SLX4IP: variants seen among roughly 807,000 people sequenced by gnomAD.
The protein encoded by SLX4IP is SLX4 interacting protein.
In SLX4IP, 34 loss-of-function variants were observed where a neutral mutation model predicts 32.9. The ratio of observed to expected loss-of-function variants is 1.03; its 90% CI spans 0.79 to 1.38. SLX4IP has a LOEUF of 1.38. Ranked by LOEUF, SLX4IP falls within the 40% of genes most tolerant of loss-of-function variation. The pLI, the probability that SLX4IP is intolerant of heterozygous loss-of-function variation, is 0.00. For synonymous variants in SLX4IP, 172 were observed against 171.7 expected (o/e 1.00, Z -0.01); for missense variants, 444 against 479.0 (o/e 0.93, Z 0.68).
At chr20:10,438,402 C>T (rs912604244) in intron 1 of SLX4IP, among the ~76,000 whole-genome samples, 1 of 151,924 alleles carries the variant, frequency 6.6e-6, no homozygotes, top group African/African-American at 2.4e-5. Flanking sequence ...TCCCTCCAGC[C>T]ACTCCTCTTC....
intron 3 of SLX4IP, among the ~76,000 whole-genome samples, chr20:10,559,431 A>G (rs1319321848): frequency 6.6e-6 from 1 of 152,222 alleles, no homozygotes; most frequent in Admixed American, 6.5e-5. Context: ...TGAAGATTCT[A>G]AGAGATCAAC....
intron 6 of SLX4IP, among the ~76,000 whole-genome samples, chr20:10,604,683 TCTC>T (rs2066884948): frequency 6.6e-6 from 1 of 152,236 alleles, no homozygotes; most frequent in South Asian, 2.1e-4. Context: ...CTGTTGCGTT[TCTC>T]TTGTCCACTC....
chr20:10,550,436 C>T (rs2066206318), intron 2 of SLX4IP, among the ~76,000 whole-genome samples: 1 of 152,186 alleles, frequency 6.6e-6, no homozygotes, highest in East Asian at 1.9e-4. Context: ...CTCTCCCTCA[C>T]ACCCAACCAC....
At chr20:10,551,003 G>C (rs1737742376) in intron 2 of SLX4IP, among the ~76,000 whole-genome samples, 1 of 152,222 alleles carries the variant, frequency 6.6e-6, no homozygotes, top group Non-Finnish European at 1.5e-5. Flanking sequence ...ATCAATGAGT[G>C]CATGAGAGAA....
chr20:10,512,152 T>G (rs983512851), intron 2 of SLX4IP, among the ~76,000 whole-genome samples: 4 of 152,170 alleles, frequency 2.6e-5, no homozygotes, highest in African/African-American at 9.7e-5. Context: ...AAAGCAGACA[T>G]AGGCAATATG....
At chr20:10,470,151 G>A (rs2065412994) in intron 2 of SLX4IP, among the ~76,000 whole-genome samples, 3 of 152,158 alleles carry the variant, frequency 2.0e-5, no homozygotes, top group Admixed American at 6.5e-5. Flanking sequence ...GGGGCCAGTC[G>A]AGTCTGGAAA....
chr20:10,471,020 A>T (rs2065420279), intron 2 of SLX4IP, among the ~76,000 whole-genome samples: 2 of 152,236 alleles, frequency 1.3e-5, no homozygotes, highest in Non-Finnish European at 2.9e-5. Context: ...GGTAGGATTA[A>T]CAGCAGTGTC....
At chr20:10,569,040 C>T (rs980296010) in intron 4 of SLX4IP, among the ~76,000 whole-genome samples, 2 of 152,152 alleles carry the variant, frequency 1.3e-5, no homozygotes, top group African/African-American at 4.8e-5. Flanking sequence ...TTAAAGGATG[C>T]ACTTGTAACG....
At chr20:10,589,628 A>T (rs956580340) in intron 4 of SLX4IP, among the ~76,000 whole-genome samples, 6 of 152,192 alleles carry the variant, frequency 3.9e-5, no homozygotes, top group Non-Finnish European at 7.4e-5. Context: ...TACTCAATTT[A>T]TTATTCATTT....
intron 2 of SLX4IP, among the ~76,000 whole-genome samples, chr20:10,488,182 G>T (rs1438048548): frequency 6.6e-6 from 1 of 152,126 alleles, no homozygotes. Context: ...CTCAGAATGT[G>T]ACCTTATTTG....
chr20:10,521,739 C>T (rs188774276), intron 2 of SLX4IP, among the ~76,000 whole-genome samples: 2 of 152,322 alleles, frequency 1.3e-5, no homozygotes, highest in African/African-American at 4.8e-5. Context: ...CCAGCTCCTT[C>T]CTCACCACAT....
intron 4 of SLX4IP, among the ~76,000 whole-genome samples, chr20:10,589,205 A>G (rs999950407): frequency 4.6e-5 from 7 of 152,226 alleles, no homozygotes; most frequent in African/African-American, 1.7e-4. Context: ...CAACACTAAA[A>G]AAACTTTATT....
At chr20:10,497,041 T>C (rs556684242) in intron 2 of SLX4IP, among the ~76,000 whole-genome samples, 1 of 152,350 alleles carries the variant, frequency 6.6e-6, no homozygotes, top group African/African-American at 2.4e-5. Context: ...TATCTATGTG[T>C]GTGTGTTTCT....
At chr20:10,555,513 GT>G (rs1161234906) in intron 2 of SLX4IP, among the ~76,000 whole-genome samples, 4 of 152,152 alleles carry the variant, frequency 2.6e-5, no homozygotes, top group Non-Finnish European at 5.9e-5. Context: ...CACATTTTAA[GT>G]GCTCAGCAGC....
At chr20:10,479,385 C>A in intron 2 of SLX4IP, among the ~76,000 whole-genome samples, 1 of 136,452 alleles carries the variant, frequency 7.3e-6, no homozygotes, top group East Asian at 2.2e-4. Flanking sequence ...TGGAGTCTCA[C>A]TCTGTCACCC....
chr20:10,581,287 G>A (rs779643611), intron 4 of SLX4IP, among the ~76,000 whole-genome samples: 19 of 152,092 alleles, frequency 1.2e-4, no homozygotes, highest in Non-Finnish European at 1.9e-4. Flanking sequence ...ATCCTGAAAA[G>A]TAGTGATATT....
chr20:10,534,425 A>G (rs889998589), intron 2 of SLX4IP, among the ~76,000 whole-genome samples: 1 of 152,136 alleles, frequency 6.6e-6, no homozygotes, highest in Non-Finnish European at 1.5e-5. Flanking sequence ...AGCAGGAAAA[A>G]TTGCAATCTT....
intron 2 of SLX4IP, among the ~76,000 whole-genome samples, chr20:10,554,698 T>C (rs1006421096): frequency 5.3e-5 from 8 of 152,224 alleles, no homozygotes; most frequent in African/African-American, 1.7e-4. Flanking sequence ...ACTAATGATA[T>C]TGAACACTTT....
chr20:10,533,263 T>TGAAG (rs1332358229), intron 2 of SLX4IP, among the ~76,000 whole-genome samples: 1 of 152,216 alleles, frequency 6.6e-6, no homozygotes, highest in Non-Finnish European at 1.5e-5. Context: ...TTGCAACTCA[T>TGAAG]GTCTTCTCGA....
Sources: allele counts gnomAD v4.1 joint callset (sites outside exome capture counted in the v4.1 genomes callset), GRCh38; gene constraint gnomAD v4.1.1; transcripts MANE v1.5; gene names NCBI Gene and HGNC (gene_info 2026-07-23, HGNC 2026-07-21).